CDYL: variants seen among roughly 807,000 people sequenced by gnomAD.
CDYL encodes chromodomain Y like.
CDYL carries 8 observed loss-of-function variants against 47.3 expected under a neutral mutation model. The ratio of observed to expected loss-of-function variants is 0.17; its 90% CI spans 0.10 to 0.31. The LOEUF is 0.31. Ranked by LOEUF, CDYL falls within the 10% of genes least tolerant of loss-of-function variation. The pLI is 1.00. For missense variants in CDYL, 471 were observed against 701.4 expected (o/e 0.67, Z 3.71); for synonymous variants, 266 against 265.0 (o/e 1.00, Z -0.04).
At chr6:4,925,554 T>C (rs1450716720) in intron 2 of CDYL, among the ~76,000 whole-genome samples, 1 of 151,918 alleles carries the variant, frequency 6.6e-6, no homozygotes, top group Non-Finnish European at 1.5e-5. Flanking sequence ...TAGCTGGGAC[T>C]ACAGGCACCC....
chr6:4,872,626 C>T (rs190054906), intron 1 of CDYL, among the ~76,000 whole-genome samples: 19 of 152,246 alleles, frequency 1.2e-4, no homozygotes, highest in Non-Finnish European at 7.4e-5. Flanking sequence ...GTGATCCACA[C>T]GCCTTGACCT....
At chr6:4,776,842 CG>C in intron 1 of CDYL, 35 bp downstream of exon 1, 2 of 814,598 alleles carry the variant, frequency 2.5e-6, no homozygotes, top group Non-Finnish European at 2.9e-6. Context: ...GGCCGCCCCC[CG>C]CCCGCCGCCC....
At chr6:4,723,394 G>C (rs1248911807) in intron 2 of CDYL, among the ~76,000 whole-genome samples, 3 of 152,036 alleles carry the variant, frequency 2.0e-5, no homozygotes, top group African/African-American at 7.2e-5. Flanking sequence ...TCAGGGTCCA[G>C]GCAGGAGACG....
chr6:4,708,252 C>A (rs545900302), intron 1 of CDYL, among the ~76,000 whole-genome samples: 1 of 152,224 alleles, frequency 6.6e-6, no homozygotes, highest in South Asian at 2.1e-4. Context: ...CAACCTCCAC[C>A]TCCAGGGTTC....
At chr6:4,789,869 G>A (rs1758871644) in intron 1 of CDYL, among the ~76,000 whole-genome samples, 1 of 152,178 alleles carries the variant, frequency 6.6e-6, no homozygotes, top group African/African-American at 2.4e-5. Flanking sequence ...CTTAATGAAA[G>A]ACATCAGGTG....
intron 1 of CDYL, among the ~76,000 whole-genome samples, chr6:4,874,163 C>T (rs926452763): frequency 2.0e-5 from 3 of 151,514 alleles, no homozygotes; most frequent in African/African-American, 7.3e-5. Flanking sequence ...TGAGGTTAAA[C>T]GTTACTCATA....
chr6:4,719,194 T>TA (rs1757325914), intron 2 of CDYL, among the ~76,000 whole-genome samples: 1 of 152,126 alleles, frequency 6.6e-6, no homozygotes, highest in African/African-American at 2.4e-5. Context: ...CAAAGTGCTG[T>TA]AAGCCACCAC....
At chr6:4,828,079 C>T (rs1300382941) in intron 1 of CDYL, among the ~76,000 whole-genome samples, 1 of 152,108 alleles carries the variant, frequency 6.6e-6, no homozygotes, top group African/African-American at 2.4e-5. Flanking sequence ...TCTTTTTCAG[C>T]TTTGAGTTAC....
chr6:4,836,772 C>T (rs1216951737), intron 1 of CDYL, among the ~76,000 whole-genome samples: 2 of 152,132 alleles, frequency 1.3e-5, no homozygotes, highest in African/African-American at 2.4e-5. Flanking sequence ...GGAAAAAATG[C>T]TGGGACTGAG....
chr6:4,784,619 A>T (rs187986002), intron 1 of CDYL, among the ~76,000 whole-genome samples: 2 of 152,326 alleles, frequency 1.3e-5, no homozygotes, highest in South Asian at 4.1e-4. Flanking sequence ...ATGCCTTGAT[A>T]TATAGTCTTG....
intron 3 of CDYL, among the ~76,000 whole-genome samples, chr6:4,747,620 G>T (rs1757920934): frequency 6.6e-6 from 1 of 152,192 alleles, no homozygotes; most frequent in Non-Finnish European, 1.5e-5. Context: ...GCCTGTACCA[G>T]CACTTAGTGC....
upstream of CDYL, among the ~76,000 whole-genome samples, chr6:4,773,745 TTGG>T (rs1758373799): frequency 6.6e-6 from 1 of 152,164 alleles, no homozygotes; most frequent in South Asian, 2.1e-4. This position sits in a 1 kb window ranked among gnomAD's most constrained non-coding sequence, Gnocchi z 4.6. Context: ...GGAGAGGTGG[TTGG>T]AACTTAGGAG....
intron 1 of CDYL, among the ~76,000 whole-genome samples, chr6:4,777,325 A>G (rs1055875715): frequency 1.1e-4 from 16 of 152,212 alleles, no homozygotes; most frequent in South Asian, 2.1e-4. Context: ...CGTTGACCAC[A>G]TGCTTTAATT....
At chr6:4,935,401 T>G (rs1758159584) in intron 2 of CDYL, 114 bp from the exon 3 acceptor site, 1 of 911,836 alleles carries the variant, frequency 1.1e-6, no homozygotes, top group African/African-American at 1.7e-5. Context: ...AATATTCTTA[T>G]ATTCGTTTAA....
intron 1 of CDYL, among the ~76,000 whole-genome samples, chr6:4,800,500 A>G (rs1377542363): frequency 6.6e-6 from 1 of 152,160 alleles, no homozygotes; most frequent in Non-Finnish European, 1.5e-5. Flanking sequence ...GATATTACAT[A>G]TATCCACATA....
intron 1 of CDYL, among the ~76,000 whole-genome samples, chr6:4,882,774 A>G (rs1185213954): frequency 6.6e-6 from 1 of 152,210 alleles, no homozygotes; most frequent in African/African-American, 2.4e-5. Flanking sequence ...TGACATAGAC[A>G]AACACCTGTG....
intron 1 of CDYL, among the ~76,000 whole-genome samples, chr6:4,870,677 A>T (rs1761446825): frequency 6.6e-6 from 1 of 151,828 alleles, no homozygotes; most frequent in African/African-American, 2.4e-5. Context: ...CCACTCTCTG[A>T]GGTTTCGTTT....
intron 4 of CDYL, among the ~76,000 whole-genome samples, chr6:4,939,281 T>C (rs58280333): frequency 5.9e-4 from 90 of 152,022 alleles, no homozygotes; most frequent in African/African-American, 2.0e-3. Context: ...GTGTGGTGGG[T>C]AGGGGGGCTC....
intron 3 of CDYL, among the ~76,000 whole-genome samples, chr6:4,747,364 T>C (rs1366302950): frequency 1.3e-5 from 2 of 151,664 alleles, no homozygotes; most frequent in Non-Finnish European, 2.9e-5. Context: ...CATTTCTGAA[T>C]TTTAATCAAA....
Sources: allele counts gnomAD v4.1 joint callset (sites outside exome capture counted in the v4.1 genomes callset), GRCh38; gene constraint gnomAD v4.1.1; non-coding constraint Gnocchi (gnomAD v3.1); transcripts MANE v1.5; gene names NCBI Gene and HGNC (gene_info 2026-07-23, HGNC 2026-07-21).